Variants in LARP1 observed in about 807,000 individuals in gnomAD.
The protein encoded by LARP1 is La ribonucleoprotein 1, translational regulator, also known as la-related protein 1.
A neutral mutation model predicts 122.7 loss-of-function variants in LARP1; 36 were observed. That is an observed-to-expected ratio of 0.29 (90% confidence interval 0.22 to 0.39). LARP1 has a LOEUF of 0.39. Ranked by LOEUF, LARP1 falls within the 10% of genes least tolerant of loss-of-function variation. LARP1 has a pLI of 1.00. For synonymous variants in LARP1, 539 were observed against 528.7 expected (o/e 1.02, Z -0.27); for missense variants, 1,040 against 1,403.6 (o/e 0.74, Z 4.14).
At chr5:154,715,264 CTT>C (rs35808885) in intron 1 of LARP1, among the ~76,000 whole-genome samples, 29,297 of 89,712 alleles carry the variant, frequency 0.33, 3,475 homozygotes, top group Non-Finnish European at 0.41. Flanking sequence ...GCAAGCCTCT[CTT>C]TTTTTTTTTT....
At chr5:154,755,143 C>A (rs1293676477), upstream of LARP1, among the ~76,000 whole-genome samples, 1 of 151,694 alleles carries the variant, frequency 6.6e-6, no homozygotes, top group Non-Finnish European at 1.5e-5. Context: ...TACCCCCAGC[C>A]CGGGAGGTGC....
intron 1 of LARP1, among the ~76,000 whole-genome samples, chr5:154,723,024 A>G (rs765848324): frequency 2.0e-5 from 3 of 152,198 alleles, no homozygotes; most frequent in African/African-American, 4.8e-5. Flanking sequence ...ACAAAAAAGT[A>G]AAGTCCAGAG....
Position 154,802,471 on chromosome 5 carries a change from T to C in LARP1, c.2109+72T>C. ...TTGTACGGAGAAGAGGAAGCCTGAT[T>C]AGCTGTGCAATTTTAGGCAGGTCCT... On this transcript the variant is annotated intron_variant, in intron 11 of 18. Transcript: ENST00000518297. This position sits in a 1 kb window ranked among gnomAD's most constrained non-coding sequence, Gnocchi z 5.1. 6.7e-7 allele frequency: 1 copy of C among 1,487,304 alleles called. No individual in the cohort carries two copies. The highest frequency in any genetic ancestry group is 8.9e-7 in the Non-Finnish European group (1 of 1,120,056). The allele number at this position is 1,487,304 out of a possible 1,614,324, so 92.1% of individuals were successfully genotyped here. A position where few individuals can be genotyped will look rare whatever the true frequency, so the allele number is the denominator to read the frequency against.
chr5:154,735,573 A>ATTTT (rs1756839729), intron 1 of LARP1, among the ~76,000 whole-genome samples: 1 of 149,074 alleles, frequency 6.7e-6, no homozygotes, highest in African/African-American at 2.5e-5. Flanking sequence ...TTATTTATTT[A>ATTTT]TTTATTTTTT....
At chr5:154,726,275 A>G (rs1343445374) in intron 1 of LARP1, among the ~76,000 whole-genome samples, 1 of 152,322 alleles carries the variant, frequency 6.6e-6, no homozygotes, top group East Asian at 1.9e-4. Context: ...TTAGGTGTAA[A>G]TGCCTAGTAG....
intron 1 of LARP1, among the ~76,000 whole-genome samples, chr5:154,789,117 A>C (rs970617471): frequency 6.6e-6 from 1 of 151,168 alleles, no homozygotes; most frequent in Admixed American, 6.6e-5. Flanking sequence ...AGGCTGAGGC[A>C]GGAGAATCAC....
At chr5:154,780,933 C>T (rs1421973157) in intron 1 of LARP1, among the ~76,000 whole-genome samples, 1 of 152,004 alleles carries the variant, frequency 6.6e-6, no homozygotes, top group Non-Finnish European at 1.5e-5. Context: ...CTTGGTGGCT[C>T]GCGCCTGTAG....
At chr5:154,749,257 G>C (rs527625145) in intron 1 of LARP1, among the ~76,000 whole-genome samples, 71 of 152,350 alleles carry the variant, frequency 4.7e-4, no homozygotes, top group African/African-American at 1.4e-3. Flanking sequence ...CAAAACTCCA[G>C]GGAGGGTAGT....
chr5:154,697,169 G>A (rs955233301), intron 1 of LARP1, among the ~76,000 whole-genome samples: 2 of 151,528 alleles, frequency 1.3e-5, no homozygotes, highest in African/African-American at 4.9e-5. Context: ...TTTCCTTGTG[G>A]GCAGACTGTG....
At chr5:154,684,306 G>A (rs7712305) in intron 1 of LARP1, among the ~76,000 whole-genome samples, 14,070 of 152,084 alleles carry the variant, frequency 0.093, 1,089 homozygotes, top group African/African-American at 0.2. Flanking sequence ...TTAGTTGGGC[G>A]TGGTGGCCTG....
At chr5:154,740,586 C>G (rs1757180831) in intron 1 of LARP1, among the ~76,000 whole-genome samples, 1 of 152,192 alleles carries the variant, frequency 6.6e-6, no homozygotes, top group African/African-American at 2.4e-5. Context: ...CTTGCTCAAG[C>G]TCACACAGCA....
intron 1 of LARP1, among the ~76,000 whole-genome samples, chr5:154,784,950 G>T (rs1466381234): frequency 6.6e-6 from 1 of 152,192 alleles, no homozygotes; most frequent in African/African-American, 2.4e-5. Context: ...CTTGAGCCTG[G>T]CCTGTTTTCC....
At chr5:154,703,116 G>A (rs1324297094) in intron 1 of LARP1, among the ~76,000 whole-genome samples, 22 of 86,210 alleles carry the variant, frequency 2.6e-4, no homozygotes, top group Non-Finnish European at 3.9e-4. Flanking sequence ...GTGAGACGCT[G>A]TCTCAAAAAA....
chr5:154,763,313 C>T (rs1272355016), intron 1 of LARP1, among the ~76,000 whole-genome samples: 1 of 152,010 alleles, frequency 6.6e-6, no homozygotes, highest in Non-Finnish European at 1.5e-5. Context: ...CTGCCCACTT[C>T]GGCCTCCCAA....
chr5:154,719,908 C>G (rs1755753288), intron 1 of LARP1, among the ~76,000 whole-genome samples: 1 of 148,370 alleles, frequency 6.7e-6, no homozygotes. Flanking sequence ...TAAAGTAACA[C>G]TGGCCGGGCA....
chr5:154,762,175 G>A (rs1164396790), intron 1 of LARP1, among the ~76,000 whole-genome samples: 1 of 152,110 alleles, frequency 6.6e-6, no homozygotes, highest in Non-Finnish European at 1.5e-5. Context: ...CCGGGGAGGC[G>A]GAGGTTGCAG....
At chr5:154,812,166 G>C (rs1759325789) in intron 18 of LARP1, among the ~76,000 whole-genome samples, 1 of 152,198 alleles carries the variant, frequency 6.6e-6, no homozygotes, top group South Asian at 2.1e-4. Flanking sequence ...CGGTGCTTTA[G>C]AGATAAGGGA....
chr5:154,799,570 C>A lies in LARP1; in HGVS notation c.1378-21C>A, dbSNP rs764870321. On this transcript the variant is annotated intron_variant, in intron 8 of 18. Transcript: ENST00000518297. ...TCCAAGATTTTCTTCTTAATCCCCT[C>A]TTCCTTCTCCTCCCCTTCAGGCCCT... 5 of 1,612,112 alleles carry A rather than the reference C, an allele frequency of 3.1e-6. No individual in the cohort carries two copies. The East Asian group carries it at 1.1e-4, about 36-fold the overall frequency.
At chr5:154,752,812 G>A (rs1025016019), upstream of LARP1, among the ~76,000 whole-genome samples, 8 of 151,778 alleles carry the variant, frequency 5.3e-5, no homozygotes, top group Non-Finnish European at 8.8e-5. Context: ...GGTGGCGGGC[G>A]CCTGTAATTC....
Sources: allele counts gnomAD v4.1 joint callset (sites outside exome capture counted in the v4.1 genomes callset), GRCh38; gene constraint gnomAD v4.1.1; non-coding constraint Gnocchi (gnomAD v3.1); transcripts MANE v1.5; gene names NCBI Gene and HGNC (gene_info 2026-07-23, HGNC 2026-07-21).